Variants in JAK2 observed in about 807,000 individuals in gnomAD.
JAK2 encodes the protein tyrosine-protein kinase JAK2.
A neutral mutation model predicts 139.3 loss-of-function variants in JAK2; 86 were observed. The ratio of observed to expected loss-of-function variants is 0.62; its 90% confidence interval spans 0.52 to 0.74. JAK2 has a LOEUF of 0.74. Ranked by LOEUF, JAK2 falls within the 30% of genes least tolerant of loss-of-function variation. JAK2 has a pLI of 0.00. For synonymous variants in JAK2, 490 were observed against 437.7 expected (o/e 1.12, Z -1.49); for missense variants, 1,421 against 1,360.3 (o/e 1.04, Z -0.70).
chr9:5,029,353 T>C (rs1041784448), intron 3 of JAK2, among the ~76,000 whole-genome samples: 5 of 152,198 alleles, frequency 3.3e-5, no homozygotes, highest in African/African-American at 1.2e-4. Context: ...ATGATTACAA[T>C]TGTAATGTCA....
chr9:5,125,591 A>G (rs1243939132), intron 23 of JAK2, among the ~76,000 whole-genome samples: 1 of 151,542 alleles, frequency 6.6e-6, no homozygotes, highest in East Asian at 1.9e-4. Context: ...CTTTCTAGAA[A>G]AGCTGTGCCA....
intron 19 of JAK2, among the ~76,000 whole-genome samples, chr9:5,084,509 G>A (rs1586759783): frequency 6.6e-6 from 1 of 152,096 alleles, no homozygotes; most frequent in African/African-American, 2.4e-5. Context: ...ATTTTCATAT[G>A]TTTTAAGCCA....
At chr9:5,069,448 G>A (rs963483400) in intron 11 of JAK2, among the ~76,000 whole-genome samples, 1 of 152,054 alleles carries the variant, frequency 6.6e-6, no homozygotes, top group African/African-American at 2.4e-5. Flanking sequence ...TGTGTGGTAT[G>A]ATGTCATTTA....
chr9:5,102,589 G>A (rs1433606338), intron 22 of JAK2, among the ~76,000 whole-genome samples: 2 of 152,078 alleles, frequency 1.3e-5, no homozygotes, highest in African/African-American at 4.8e-5. Flanking sequence ...ACACGTAATT[G>A]TCATATTCAC....
intron 5 of JAK2, among the ~76,000 whole-genome samples, chr9:5,048,756 A>G (rs951452175): frequency 1.3e-5 from 2 of 152,184 alleles, no homozygotes; most frequent in African/African-American, 4.8e-5. Context: ...TTTTAATAAA[A>G]TTAGTTTAAA....
intron 2 of JAK2, among the ~76,000 whole-genome samples, chr9:4,995,890 A>T (rs1820533166): frequency 6.6e-6 from 1 of 151,794 alleles, no homozygotes; most frequent in East Asian, 1.9e-4. Flanking sequence ...TATTTTTTGT[A>T]CTTACTGAAT....
chr9:5,087,536 C>A (rs1820228006), intron 19 of JAK2, among the ~76,000 whole-genome samples: 1 of 152,094 alleles, frequency 6.6e-6, no homozygotes, highest in South Asian at 2.1e-4. Context: ...TATCTTAAAT[C>A]TTTCTTTTCG....
upstream of JAK2, chr9:4,984,730 C>G (rs1819838913): frequency 6.6e-6 from 1 of 152,420 alleles, no homozygotes; most frequent in African/African-American, 2.4e-5. Flanking sequence ...GCCCGGCCTC[C>G]TCCAGTGCAG....
intron 3 of JAK2, among the ~76,000 whole-genome samples, chr9:5,027,457 A>G (rs1563936054): frequency 6.6e-6 from 1 of 152,192 alleles, no homozygotes. Context: ...TTGTTAGTGG[A>G]GAGTCTTGCC....
intron 8 of JAK2, among the ~76,000 whole-genome samples, chr9:5,062,118 C>G (rs1472066282): frequency 6.6e-6 from 1 of 151,986 alleles, no homozygotes; most frequent in African/African-American, 2.4e-5. Context: ...TTGTGTGGGT[C>G]CACTTATATG....
chr9:5,064,959 A>C lies in JAK2; in HGVS notation c.1133A>C (p.Asp378Ala). The C allele has an allele frequency of 6.2e-7, 1 of 1,607,894 alleles. No homozygotes were observed. Among genetic ancestry groups the C allele is most frequent in the Non-Finnish European group, 8.5e-7 (1 of 1,176,012 alleles). Residue 378 changes from aspartate to alanine, a missense_variant, in exon 9 of 25, where the codon GAT becomes GCT. Coordinates refer to ENST00000381652, the MANE Select transcript of JAK2 (RefSeq NM_004972.4). ...LIDGYYRLTADAHHYLCKEVA... is the reference protein window; with the variant it reads ...LIDGYYRLTAAAHHYLCKEVA... ...GATGGATATTATAGATTAACTGCAGATGCACATCATTACCTCTGTAAAGAA... is the reference window on the plus strand; with the variant it reads ...GATGGATATTATAGATTAACTGCAGCTGCACATCATTACCTCTGTAAAGAA...
intron 2 of JAK2, among the ~76,000 whole-genome samples, chr9:5,019,640 C>A (rs542320033): frequency 4.6e-5 from 7 of 152,282 alleles, no homozygotes; most frequent in African/African-American, 1.7e-4. Context: ...CTTTGATATC[C>A]ACACATCTGG....
intron 22 of JAK2, chr9:5,111,040 C>T: frequency 1.1e-6 from 1 of 928,740 alleles, no homozygotes; most frequent in Non-Finnish European, 1.6e-6. Flanking sequence ...GGCCGGGGCG[C>T]AATTCAGAGG....
chr9:5,072,469 T>C, intron 12 of JAK2, 23 bp from the exon 13 acceptor site: 1 of 1,500,586 alleles, frequency 6.7e-7, no homozygotes, highest in Non-Finnish European at 8.9e-7. Flanking sequence ...CTCATTCTTT[T>C]CTTTTACCTT....
intron 4 of JAK2, among the ~76,000 whole-genome samples, chr9:5,030,887 T>A (rs1369722006): frequency 1.3e-5 from 2 of 151,964 alleles, no homozygotes; most frequent in Non-Finnish European, 2.9e-5. Flanking sequence ...AGACAATTGG[T>A]GAAAAAAATA....
chr9:5,056,942 T>C (rs1467391067), intron 8 of JAK2, among the ~76,000 whole-genome samples: 1 of 152,162 alleles, frequency 6.6e-6, no homozygotes, highest in Non-Finnish European at 1.5e-5. Flanking sequence ...TTTGAAAACC[T>C]AAGCTCTTAA....
intron 2 of JAK2, among the ~76,000 whole-genome samples, chr9:5,016,669 GA>G (rs922527501): frequency 1.1e-4 from 17 of 152,226 alleles, no homozygotes; most frequent in African/African-American, 3.6e-4. Context: ...CTTAGATCAA[GA>G]AATAGAGTAT....
intron 2 of JAK2, among the ~76,000 whole-genome samples, chr9:4,987,864 A>G (rs1168797445): frequency 6.6e-6 from 1 of 152,206 alleles, no homozygotes; most frequent in Non-Finnish European, 1.5e-5. Flanking sequence ...TGGCTGTCAT[A>G]AAAGTCTTGG....
chr9:5,105,230 T>C (rs1034800559), intron 22 of JAK2, among the ~76,000 whole-genome samples: 2 of 152,186 alleles, frequency 1.3e-5, no homozygotes, highest in African/African-American at 4.8e-5. Context: ...ACAAAATCAA[T>C]GTGCAAAAAT....
Sources: gnomAD v4.1 joint callset for allele counts (sites outside exome capture counted in the v4.1 genomes callset) on GRCh38, gnomAD v4.1.1 for gene constraint, MANE v1.5 for transcripts, NCBI Gene and HGNC (gene_info 2026-07-23, HGNC 2026-07-21) for gene names.